Variants in EEF1G observed in about 807,000 individuals in gnomAD.
The protein encoded by EEF1G is elongation factor 1-gamma.
In EEF1G, 14 loss-of-function variants were observed where a neutral mutation model predicts 58.3. The observed-to-expected ratio is 0.24, with a 90% CI of 0.16 to 0.38. The LOEUF (loss-of-function observed/expected upper bound fraction) is 0.38. Among genes scored for constraint, EEF1G ranks in the 10% least tolerant of loss-of-function variants. The probability of loss-of-function intolerance (pLI) is 1.00; values close to 1 mark genes in which losing one functional copy is unlikely to be tolerated. For missense variants in EEF1G, 322 were observed against 550.1 expected, an observed-to-expected ratio of 0.59 and a Z score of 4.15; for synonymous variants, 180 against 206.8, an observed-to-expected ratio of 0.87 and a Z score of 1.11.
chr11:62,567,254 C>T, intron 6 of EEF1G, 145 bp downstream of exon 6: 1 of 1,154,000 alleles, frequency 8.7e-7, no homozygotes, highest in Non-Finnish European at 1.2e-6. Flanking sequence ...GTACACGAAA[C>T]TGCACATAAT....
At chr11:62,568,764 G>C (rs1014303805) in intron 5 of EEF1G, among the ~76,000 whole-genome samples, 2 of 151,500 alleles carry the variant, frequency 1.3e-5, no homozygotes, top group South Asian at 2.1e-4. Flanking sequence ...CCTGAGGTCA[G>C]GAGTTCGAGA....
intron 7 of EEF1G, among the ~76,000 whole-genome samples, chr11:62,564,290 C>T (rs931333452): frequency 1.6e-4 from 25 of 151,966 alleles, no homozygotes; most frequent in Non-Finnish European, 3.5e-4. Context: ...TGGTGAAACC[C>T]CATCTCTACT....
At position 62,572,748 on chromosome 11, in the gene EEF1G, G is replaced by C; in HGVS notation, c.13-6C>G. 6.2e-7 allele frequency: 1 copy of C among 1,604,136 alleles called. No homozygotes were observed. The highest frequency in any genetic ancestry group is 8.5e-7 in the Non-Finnish European group (1 of 1,172,306). On this transcript the variant is annotated splice_region_variant and splice_polypyrimidine_tract_variant and intron_variant, in intron 1 of 9. Transcript: ENST00000329251. ...TCAGGATACGTGTACAGGGTCTATG[G>C]GAGAAAGAGAGGGACAAAATTAATG...
At chr11:62,565,585 A>G (rs1006827724) in intron 7 of EEF1G, among the ~76,000 whole-genome samples, 2 of 152,214 alleles carry the variant, frequency 1.3e-5, no homozygotes, top group Non-Finnish European at 2.9e-5. Flanking sequence ...ATCTCTAGCT[A>G]ATAATTAACA....
chr11:62,565,938 G>T (rs548917650), intron 7 of EEF1G, among the ~76,000 whole-genome samples: 59 of 152,294 alleles, frequency 3.9e-4, no homozygotes, highest in Non-Finnish European at 5.3e-4. Flanking sequence ...ATGGGAGAGG[G>T]TGAAATGTAA....
At chr11:62,571,766 C>A (rs559239136) in intron 3 of EEF1G, 72 bp downstream of exon 3, 30 of 1,561,714 alleles carry the variant, frequency 1.9e-5, no homozygotes, top group African/African-American at 1.2e-4. Flanking sequence ...CATATCCACC[C>A]CCGCTCACAC....
Position 62,571,532 on chromosome 11 carries a change from A to T in EEF1G, c.378+8T>A. The T allele has an allele frequency of 6.3e-7, 1 of 1,594,216 alleles. No homozygotes were observed. The highest frequency in any genetic ancestry group is 1.1e-5 in the South Asian group (1 of 87,236). On this transcript the variant is annotated splice_region_variant and intron_variant, in intron 4 of 9. Coordinates refer to ENST00000329251, the MANE Select transcript of EEF1G (RefSeq NM_001404.5). ...GCCCCTGGCTTCTCTCAAAGTTCCA[A>T]GGCTCACCTGTTTGTTGTGGTGCAT... is the stretch of plus-strand genomic sequence containing the variant.
chr11:62,566,756 G>A, intron 7 of EEF1G, 50 bp downstream of exon 7: 1 of 1,567,060 alleles, frequency 6.4e-7, no homozygotes, highest in South Asian at 1.1e-5. Context: ...ATACAGAGGT[G>A]AGAACAGGCC....
At chr11:62,573,027 T>A (rs553287856) in intron 1 of EEF1G, 23 of 244,522 alleles carry the variant, frequency 9.4e-5, no homozygotes, top group African/African-American at 4.7e-4. Flanking sequence ...CTCCAAGAAA[T>A]CCAGAACTTC....
intron 1 of EEF1G, chr11:62,573,605 A>C: frequency 1.6e-6 from 1 of 640,062 alleles, no homozygotes. Context: ...CAGACCCGGC[A>C]TCTCTTTTCT....
At chr11:62,564,537 C>A (rs187665381) in intron 7 of EEF1G, among the ~76,000 whole-genome samples, 2 of 149,266 alleles carry the variant, frequency 1.3e-5, no homozygotes, top group Admixed American at 1.3e-4. Flanking sequence ...CGGAGACGGG[C>A]GGATCACGAG....
chr11:62,569,292 T>C (rs1044125647), intron 5 of EEF1G, among the ~76,000 whole-genome samples: 1 of 152,038 alleles, frequency 6.6e-6, no homozygotes. Context: ...CTGACCAACA[T>C]GGCAAAACCC....
intron 4 of EEF1G, 50 bp downstream of exon 4, chr11:62,571,490 G>T (rs1941630430): frequency 6.4e-7 from 1 of 1,553,500 alleles, no homozygotes; most frequent in Non-Finnish European, 8.7e-7. Flanking sequence ...CAACACCCAG[G>T]AGCTGATGCC....
At chr11:62,565,426 G>A (rs1005718533) in intron 7 of EEF1G, among the ~76,000 whole-genome samples, 1 of 151,720 alleles carries the variant, frequency 6.6e-6, no homozygotes, top group Admixed American at 6.6e-5. Context: ...TGGCAGCCCT[G>A]TAGGGCATCA....
At position 62,572,316 on chromosome 11, in the gene EEF1G, T is replaced by C. The variant is rs74949942; in HGVS notation, c.171+268A>G. 0.031 allele frequency among the ~76,000 whole-genome samples: 4,787 copies of C among 152,278 alleles called. 172 individuals carry two copies. Among genetic ancestry groups the C allele is most frequent in the African/African-American group, 0.087 (3,630 of 41,536 alleles). On this transcript the variant is annotated intron_variant, in intron 2 of 9. Coordinates refer to ENST00000329251, the MANE Select transcript of EEF1G (RefSeq NM_001404.5). ...GTAAGAATTCTGCTCATAACAGATATCTGATATATTTGCACTGAAAATGCT... is the reference window on the plus strand; with the variant it reads ...GTAAGAATTCTGCTCATAACAGATACCTGATATATTTGCACTGAAAATGCT...
Position 62,563,865 on chromosome 11 carries a change from G to C in EEF1G, c.857+2941C>G, listed in dbSNP as rs185555254. On this transcript the variant is annotated intron_variant, in intron 7 of 9. Transcript: ENST00000329251. ...CAGGTTCCTTTCCAAATGCATAAGAGACCTCATCTGAGGAGCCTTAAAACC... is the reference window on the plus strand; with the variant it reads ...CAGGTTCCTTTCCAAATGCATAAGACACCTCATCTGAGGAGCCTTAAAACC... Among the ~76,000 whole-genome samples the C allele has an allele frequency of 5.3e-5, 8 of 152,272 alleles. No homozygotes were observed. The East Asian group carries it at 1.5e-3, about 29-fold the overall frequency.
chr11:62,572,512 A>G, intron 2 of EEF1G, 72 bp downstream of exon 2: 3 of 1,574,590 alleles, frequency 1.9e-6, no homozygotes, highest in Non-Finnish European at 2.6e-6. Context: ...GATGGGGGCC[A>G]CCACCAGAGT....
intron 5 of EEF1G, 148 bp downstream of exon 5, chr11:62,570,817 G>T: frequency 1.8e-6 from 2 of 1,091,868 alleles, no homozygotes; most frequent in Non-Finnish European, 2.7e-6. Context: ...CGGCCCCCCA[G>T]TGTGCTCGGA....
chr11:62,571,141 G>C (rs1199002650), intron 4 of EEF1G, 33 bp from the exon 5 acceptor site: 2 of 1,613,370 alleles, frequency 1.2e-6, no homozygotes, highest in African/African-American at 2.7e-5. Flanking sequence ...CTCATCAGTG[G>C]GTACCAATCC....
Sources: allele counts gnomAD v4.1 joint callset (sites outside exome capture counted in the v4.1 genomes callset), GRCh38; gene constraint gnomAD v4.1.1; transcripts MANE v1.5; gene names NCBI Gene and HGNC (gene_info 2026-07-23, HGNC 2026-07-21).